N4BP2: variants seen among roughly 807,000 people sequenced by gnomAD.
N4BP2 encodes NEDD4-binding protein 2.
In N4BP2, 91 loss-of-function variants were observed where a neutral mutation model predicts 152.8. The ratio of observed to expected loss-of-function variants is 0.60; its 90% confidence interval spans 0.50 to 0.71. N4BP2 has a LOEUF of 0.71. Among genes scored for constraint, N4BP2 ranks in the 30% least tolerant of loss-of-function variants. The pLI, the probability that N4BP2 is intolerant of heterozygous loss-of-function variation, is 0.00. For synonymous variants in N4BP2, 646 were observed against 705.3 expected, an observed-to-expected ratio of 0.92 and a Z score of 1.33; for missense variants, 1,923 against 2,059.1, an observed-to-expected ratio of 0.93 and a Z score of 1.28.
intron 16 of N4BP2, among the ~76,000 whole-genome samples, chr4:40,147,500 C>T (rs1054898600): frequency 3.4e-5 from 5 of 149,100 alleles, no homozygotes; most frequent in East Asian, 2.0e-4. Flanking sequence ...CGGGCAGAGG[C>T]GCCCCCCACC....
chr4:40,059,826 T>G (rs1483186529), intron 1 of N4BP2, among the ~76,000 whole-genome samples: 1 of 152,186 alleles, frequency 6.6e-6, no homozygotes, highest in Non-Finnish European at 1.5e-5. Flanking sequence ...TGTGATTGTA[T>G]TTAATTCTTA....
rs1334874929 is a variant in N4BP2, at chr4:40,074,407, T to A, written c.-115+856T>A. Among the ~76,000 whole-genome samples the A allele has an allele frequency of 5.2e-5, 6 of 114,950 alleles. No individual in the cohort carries two copies. In the Admixed American group the frequency reaches 5.5e-4, roughly 11 times the overall value. 75.4% of individuals were successfully genotyped at this position (114,950 alleles called of 152,430 possible). On this transcript the variant is annotated intron_variant, in intron 2 of 17. Transcript: ENST00000261435. Reference sequence around the variant, plus strand: ...TGTCTGGCCCAGAGATGGCGTTTTGTCATGTTGCCCAGGCTGGTCTCAAAC... The same window carrying A: ...TGTCTGGCCCAGAGATGGCGTTTTGACATGTTGCCCAGGCTGGTCTCAAAC...
intron 7 of N4BP2, among the ~76,000 whole-genome samples, chr4:40,115,482 C>T (rs191728437): frequency 5.5e-4 from 84 of 152,222 alleles, no homozygotes; most frequent in Non-Finnish European, 9.0e-4. Context: ...GGCAACAGAG[C>T]GAGACTCTGT....
At chr4:40,176,615 C>T in the N4BP2 span, among the ~76,000 whole-genome samples, 1 of 152,314 alleles carries the variant, frequency 6.6e-6, no homozygotes, top group African/African-American at 2.4e-5. Context: ...GGAGAAAACA[C>T]GAGAACAGTA....
At chr4:40,142,622 G>T in intron 14 of N4BP2, 51 bp from the exon 15 acceptor site, 5 of 1,227,218 alleles carry the variant, frequency 4.1e-6, no homozygotes, top group Non-Finnish European at 3.4e-6. Flanking sequence ...TAAGGCATGA[G>T]TTTTTTTTTT....
chr4:40,137,968 A>G (rs1312240000), intron 14 of N4BP2, among the ~76,000 whole-genome samples: 1 of 152,188 alleles, frequency 6.6e-6, no homozygotes, highest in Non-Finnish European at 1.5e-5. Context: ...TGGTTTCCAA[A>G]TGAAAGGCGT....
chr4:40,149,237 G>T (rs1011891867), intron 16 of N4BP2, among the ~76,000 whole-genome samples: 1 of 152,166 alleles, frequency 6.6e-6, no homozygotes, highest in African/African-American at 2.4e-5. Context: ...ACAAAATGTG[G>T]TAAATCTATA....
At chr4:40,124,134 A>G in intron 10 of N4BP2, 26 bp from the exon 11 acceptor site, 6 of 1,600,604 alleles carry the variant, frequency 3.7e-6, no homozygotes, top group South Asian at 1.1e-5. Context: ...CTGTTTGCCA[A>G]TCTCTTGCCT....
At chr4:40,059,855 T>G (rs1246673684) in intron 1 of N4BP2, among the ~76,000 whole-genome samples, 3 of 152,198 alleles carry the variant, frequency 2.0e-5, no homozygotes, top group Non-Finnish European at 2.9e-5. Flanking sequence ...AGATTTGCAC[T>G]ATTCTTACAG....
At chr4:40,089,862 A>G (rs1714362314) in intron 2 of N4BP2, among the ~76,000 whole-genome samples, 1 of 152,148 alleles carries the variant, frequency 6.6e-6, no homozygotes, top group Non-Finnish European at 1.5e-5. Context: ...TGAAAATTTT[A>G]TAGCTTTATG....
intron 2 of N4BP2, among the ~76,000 whole-genome samples, chr4:40,093,061 A>G (rs1304976256): frequency 6.6e-6 from 1 of 151,438 alleles, no homozygotes; most frequent in Non-Finnish European, 1.5e-5. Context: ...CTCCTGCCTC[A>G]GTCTCCGGAG....
the N4BP2 span, among the ~76,000 whole-genome samples, chr4:40,168,717 ATTTC>A: frequency 0.019 from 2,867 of 151,822 alleles, 86 homozygotes; most frequent in African/African-American, 0.064. Flanking sequence ...AAATATGTAT[ATTTC>A]TTTTTTCTTC....
intron 8 of N4BP2, 42 bp from the exon 9 acceptor site, chr4:40,119,889 AT>A: frequency 1.1e-6 from 1 of 933,238 alleles, no homozygotes; most frequent in Non-Finnish European, 1.6e-6. Flanking sequence ...TGATGGCAGC[AT>A]TAAGAGACTT....
At chr4:40,106,850 G>C in intron 4 of N4BP2, 50 bp from the exon 5 acceptor site, 1 of 1,543,162 alleles carries the variant, frequency 6.5e-7, no homozygotes, top group Non-Finnish European at 8.8e-7. Context: ...AATTAGGAGA[G>C]AAAATTTAGA....
At chr4:40,087,893 C>T (rs1714140128) in intron 2 of N4BP2, among the ~76,000 whole-genome samples, 1 of 152,064 alleles carries the variant, frequency 6.6e-6, no homozygotes, top group African/African-American at 2.4e-5. Context: ...CGCCACAATG[C>T]CCAGCTAATT....
intron 16 of N4BP2, among the ~76,000 whole-genome samples, chr4:40,147,347 A>G (rs1300198257): frequency 1.3e-5 from 2 of 152,216 alleles, no homozygotes; most frequent in Non-Finnish European, 2.9e-5. Context: ...CGATTTCTCA[A>G]TCTTTTCCCC....
chr4:40,117,748 A>C, intron 7 of N4BP2, 121 bp from the exon 8 acceptor site: 1 of 738,006 alleles, frequency 1.4e-6, no homozygotes, highest in Non-Finnish European at 2.0e-6. Context: ...GGTCACAATA[A>C]AGCAGCTTTG....
chr4:40,072,407 A>G (rs1405122201), intron 1 of N4BP2, among the ~76,000 whole-genome samples: 1 of 151,698 alleles, frequency 6.6e-6, no homozygotes, highest in East Asian at 1.9e-4. Context: ...CACCATGCCC[A>G]GCTAATTTTT....
chr4:40,098,564 GT>G (rs1715313210), intron 3 of N4BP2, among the ~76,000 whole-genome samples: 1 of 152,166 alleles, frequency 6.6e-6, no homozygotes, highest in Non-Finnish European at 1.5e-5. Flanking sequence ...GATTTGGGAA[GT>G]TTTGGTAATG....
Sources: allele counts gnomAD v4.1 joint callset (sites outside exome capture counted in the v4.1 genomes callset), GRCh38; gene constraint gnomAD v4.1.1; transcripts MANE v1.5; gene names NCBI Gene and HGNC (gene_info 2026-07-23, HGNC 2026-07-21).